Variants in CPXM2 observed in about 807,000 individuals in gnomAD.
CPXM2 encodes the protein inactive carboxypeptidase-like protein X2.
CPXM2 carries 66 observed loss-of-function variants against 86.1 expected under a neutral mutation model. The observed-to-expected ratio is 0.77, with a 90% confidence interval of 0.63 to 0.94. The LOEUF (loss-of-function observed/expected upper bound fraction) is 0.94. Ranked by LOEUF, CPXM2 falls within the 40% of genes least tolerant of loss-of-function variation. The probability of loss-of-function intolerance (pLI) is 0.00; values close to 1 mark genes in which losing one functional copy is unlikely to be tolerated. For missense variants in CPXM2, 948 were observed against 1,026.3 expected (o/e 0.92, Z 1.04); for synonymous variants, 388 against 400.2 (o/e 0.97, Z 0.36).
At position 123,914,472 on chromosome 10, in the gene CPXM2, G is replaced by C. The variant is rs138583044; in HGVS notation, n.174+25005C>G. Among the ~76,000 whole-genome samples the C allele has an allele frequency of 3.4e-4, 52 of 152,248 alleles. No homozygotes were observed. In the East Asian group the frequency reaches 6.2e-3, roughly 18 times the overall value. On this transcript the variant is annotated intron_variant and non_coding_transcript_variant, in intron 2 of 19. Coordinates refer to the CPXM2 transcript ENST00000368854. ...TCTTGCAGAGAAGTCCCGTGTTCCA[G>C]GTCTGTGTGACTGACAGCCTCCTTG... is the stretch of plus-strand genomic sequence containing the variant.
chr10:123,792,528 G>A (rs1847228389), intron 6 of CPXM2, among the ~76,000 whole-genome samples: 2 of 152,254 alleles, frequency 1.3e-5, no homozygotes, highest in South Asian at 4.1e-4. Flanking sequence ...CCCAGAGACA[G>A]GAAGCCAGGG....
At chr10:123,866,594 G>A (rs1024320002) in intron 2 of CPXM2, among the ~76,000 whole-genome samples, 2 of 151,762 alleles carry the variant, frequency 1.3e-5, no homozygotes, top group South Asian at 2.1e-4. Context: ...AAACTCAGAC[G>A]ACTTGCTTGT....
intron 4 of CPXM2, among the ~76,000 whole-genome samples, chr10:123,804,762 C>T (rs1053646790): frequency 1.3e-5 from 2 of 152,310 alleles, no homozygotes; most frequent in African/African-American, 2.4e-5. Flanking sequence ...CAGCCTCATT[C>T]GTGAGATCCA....
intron 2 of CPXM2, among the ~76,000 whole-genome samples, chr10:123,928,221 G>A (rs1043910612): frequency 9.9e-5 from 15 of 152,182 alleles, no homozygotes; most frequent in African/African-American, 2.9e-4. Flanking sequence ...AAGATTGTCC[G>A]TGGACACCTG....
chr10:123,921,003 G>A (rs1026434086), intron 2 of CPXM2, among the ~76,000 whole-genome samples: 14 of 152,054 alleles, frequency 9.2e-5, no homozygotes, highest in African/African-American at 3.1e-4. Flanking sequence ...AAGTTACCCA[G>A]TTTGTGGTAT....
chr10:123,823,657 A>G (rs1294311988), intron 4 of CPXM2, among the ~76,000 whole-genome samples: 2 of 152,170 alleles, frequency 1.3e-5, no homozygotes, highest in African/African-American at 4.8e-5. Flanking sequence ...AGAGATAGAG[A>G]GAAAGAGACA....
intron 2 of CPXM2, among the ~76,000 whole-genome samples, chr10:123,912,695 T>C (rs1945501215): frequency 6.6e-6 from 1 of 152,196 alleles, no homozygotes; most frequent in African/African-American, 2.4e-5. Flanking sequence ...AGGAAGGCTC[T>C]GAAAGGCACT....
At chr10:123,807,570 A>G (rs1035383773) in intron 4 of CPXM2, among the ~76,000 whole-genome samples, 1 of 152,176 alleles carries the variant, frequency 6.6e-6, no homozygotes, top group African/African-American at 2.4e-5. Flanking sequence ...GAAGACAAGG[A>G]AGTAATCTGG....
Position 123,843,820 on chromosome 10 carries a change from C to T in CPXM2, c.514-1332G>A, listed in dbSNP as rs542697932. Among the ~76,000 whole-genome samples the T allele has an allele frequency of 7.2e-5, 11 of 152,280 alleles. No homozygotes were observed. In the South Asian group the frequency reaches 2.3e-3, roughly 32 times the overall value. The stretch of plus-strand genomic sequence containing the variant: ...ACAGTACAGTGTTAGACATCTGAGG[C>T]TTAGCAGAGAAGAATAGAACTGCCA... On this transcript the variant is annotated intron_variant, in intron 3 of 13. Coordinates refer to ENST00000241305, the MANE Select transcript of CPXM2 (RefSeq NM_198148.3).
intron 1 of CPXM2, among the ~76,000 whole-genome samples, chr10:123,883,496 A>C (rs937388888): frequency 6.6e-6 from 1 of 152,258 alleles, no homozygotes. Flanking sequence ...GGAAACAAAA[A>C]TGCTGCCTGA....
chr10:123,874,366 A>AC (rs1214448018), intron 2 of CPXM2, among the ~76,000 whole-genome samples: 6 of 147,126 alleles, frequency 4.1e-5, no homozygotes, highest in Admixed American at 2.0e-4. Flanking sequence ...TCTAATCACC[A>AC]CCCCCCGCCC....
chr10:123,908,993 T>G (rs1945466963), intron 2 of CPXM2, among the ~76,000 whole-genome samples: 1 of 152,246 alleles, frequency 6.6e-6, no homozygotes, highest in African/African-American at 2.4e-5. Context: ...AGGCTCATTG[T>G]TAACTCTCAC....
chr10:123,758,509 G>A (rs1298104149), intron 11 of CPXM2, among the ~76,000 whole-genome samples: 1 of 152,062 alleles, frequency 6.6e-6, no homozygotes, highest in Non-Finnish European at 1.5e-5. Flanking sequence ...GGTAACACAG[G>A]GTGACCCCAT....
At chr10:123,789,224 C>CTGGGTCATCCTGGGTCATCAGGG in intron 6 of CPXM2, among the ~76,000 whole-genome samples, 1 of 152,338 alleles carries the variant, frequency 6.6e-6, no homozygotes, top group African/African-American at 2.4e-5. Flanking sequence ...CAGGCACAGC[C>CTGGGTCATCCTGGGTCATCAGGG]TCACCTGATC....
intron 2 of CPXM2, among the ~76,000 whole-genome samples, chr10:123,877,905 C>T (rs933458282): frequency 3.3e-5 from 5 of 152,218 alleles, no homozygotes; most frequent in African/African-American, 1.2e-4. Context: ...CTTTTAACCC[C>T]ATCCACTCTC....
rs1215682455 is a variant in CPXM2, at chr10:123,766,913, A to G, written c.1479+60T>C. ...CTTAAATGTGCTATCCTCTGCAAAT[A>G]CCAATGGAGGTTAAGCCTTGCCTTT... On this transcript the variant is annotated intron_variant, in intron 10 of 13. Coordinates refer to ENST00000241305, the MANE Select transcript of CPXM2 (RefSeq NM_198148.3). 60 of 1,331,854 alleles carry G rather than the reference A, an allele frequency of 4.5e-5. No homozygotes were observed. The South Asian group carries it at 5.4e-4, about 12-fold the overall frequency. 82.5% of individuals were successfully genotyped at this position (1,331,854 alleles called of 1,614,324 possible).
chr10:123,879,052 GTGCACGCC>G (rs1393199877), intron 2 of CPXM2, among the ~76,000 whole-genome samples: 2 of 152,240 alleles, frequency 1.3e-5, no homozygotes, highest in African/African-American at 2.4e-5. Flanking sequence ...AATGGGTGGA[GTGCACGCC>G]TGCCCACTTT....
chr10:123,853,976 CT>C (rs773778238), intron 3 of CPXM2, among the ~76,000 whole-genome samples: 14 of 151,904 alleles, frequency 9.2e-5, no homozygotes, highest in Non-Finnish European at 1.9e-4. Context: ...TTTTTCTCCC[CT>C]CCCTCTCCCC....
chr10:123,829,501 AG>A (rs1848120805), intron 4 of CPXM2, among the ~76,000 whole-genome samples: 2 of 152,288 alleles, frequency 1.3e-5, no homozygotes, highest in Non-Finnish European at 2.9e-5. Flanking sequence ...AAACACAAAC[AG>A]TACCAGGAGT....
Sources: allele counts gnomAD v4.1 joint callset (sites outside exome capture counted in the v4.1 genomes callset), GRCh38; gene constraint gnomAD v4.1.1; transcripts MANE v1.5; gene names NCBI Gene and HGNC (gene_info 2026-07-23, HGNC 2026-07-21).